CEP63: variants seen among roughly 807,000 people sequenced by gnomAD.
The protein encoded by CEP63 is centrosomal protein 63.
CEP63 carries 84 observed loss-of-function variants against 89.1 expected under a neutral mutation model. That is an observed-to-expected ratio of 0.94 (90% CI 0.79 to 1.13). The LOEUF (loss-of-function observed/expected upper bound fraction) is 1.13, where lower values mean the gene tolerates loss of function less well. Ranked by LOEUF, CEP63 falls within the 50% of genes most tolerant of loss-of-function variation. The pLI, the probability that CEP63 is intolerant of heterozygous loss-of-function variation, is 0.00. For missense variants in CEP63, 838 were observed against 813.3 expected (o/e 1.03, Z -0.37); for synonymous variants, 267 against 272.5 (o/e 0.98, Z 0.20).
chr3:134,547,504 CA>C, intron 9 of CEP63, 32 bp downstream of exon 9: 1 of 1,590,408 alleles, frequency 6.3e-7, no homozygotes, highest in Non-Finnish European at 8.6e-7. Context: ...TCAAAAATTT[CA>C]AGTTGTTAAA....
intron 12 of CEP63, 121 bp downstream of exon 12, chr3:134,552,133 C>T (rs955153918): frequency 1.7e-6 from 1 of 588,260 alleles, no homozygotes; most frequent in Non-Finnish European, 3.0e-6. Context: ...GAAATTTTCT[C>T]AAAGAAAATG....
chr3:134,535,621 A>C (rs538206016), intron 5 of CEP63: 2 of 151,810 alleles, frequency 1.3e-5, no homozygotes, highest in East Asian at 3.9e-4. Flanking sequence ...TCGCCTCTTC[A>C]TGACAGAATA....
In CEP63 at chr3:134,537,253, A is replaced by C. The variant is rs746885697; in HGVS notation, c.540A>C (p.Gln180His). ...LEAQRKALAE[Q>H]SEIIQAQLVN... ...CACAAAGGAAGGCTCTGGCTGAACAATCAGAGATAATTCAGGTAGGCCTAA... is the reference window on the plus strand; with the variant it reads ...CACAAAGGAAGGCTCTGGCTGAACACTCAGAGATAATTCAGGTAGGCCTAA... The change falls in exon 6 of 15, where the codon CAA becomes CAC. Residue 180 changes from glutamine to histidine, a missense_variant. By Grantham distance (24) the Gln-to-His change is conservative (BLOSUM62 0). Coordinates refer to ENST00000675561, the MANE Select transcript of CEP63 (RefSeq NM_001353108.3). 1 of 1,607,404 alleles carries C rather than the reference A, an allele frequency of 6.2e-7. No homozygotes were observed. The highest frequency in any genetic ancestry group is 2.2e-5 in the East Asian group (1 of 44,860).
intron 6 of CEP63, 33 bp downstream of exon 6, chr3:134,537,301 C>G (rs564376689): frequency 7.2e-7 from 1 of 1,398,518 alleles, no homozygotes; most frequent in Admixed American, 1.7e-5. Flanking sequence ...TAATGAGAAG[C>G]AGATAGGTTT....
chr3:134,731,096 A>C, the CEP63 span, among the ~76,000 whole-genome samples: 1 of 152,180 alleles, frequency 6.6e-6, no homozygotes, highest in Admixed American at 6.5e-5. Context: ...TAATATACCT[A>C]ATAATATAGT....
At chr3:134,653,822 C>T in the CEP63 span, among the ~76,000 whole-genome samples, 1 of 152,168 alleles carries the variant, frequency 6.6e-6, no homozygotes, top group South Asian at 2.1e-4. Flanking sequence ...TCCTTTTTCC[C>T]TACCAAACCC....
chr3:134,771,240 T>C, the CEP63 span, among the ~76,000 whole-genome samples: 1 of 152,118 alleles, frequency 6.6e-6, no homozygotes, highest in Non-Finnish European at 1.5e-5. Context: ...GTAGAAGGAC[T>C]GAAAGGACTA....
the CEP63 span, among the ~76,000 whole-genome samples, chr3:134,672,886 T>C: frequency 6.6e-6 from 1 of 152,242 alleles, no homozygotes; most frequent in Non-Finnish European, 1.5e-5. Flanking sequence ...AGTGAGTGTT[T>C]AGCAATGCAG....
At chr3:134,606,974 C>A in the CEP63 span, 175 of 985,178 alleles carry the variant, frequency 1.8e-4, no homozygotes, top group Middle Eastern at 3.1e-3. Flanking sequence ...AACTAGCTAC[C>A]ACAAAGAAAT....
At chr3:134,625,267 A>C in the CEP63 span, 2 of 734,828 alleles carry the variant, frequency 2.7e-6, no homozygotes, top group Non-Finnish European at 2.3e-6. Flanking sequence ...TGAAACATTG[A>C]GCCTAAGAGC....
chr3:134,539,503 T>C (rs1951554693), intron 6 of CEP63, among the ~76,000 whole-genome samples: 1 of 152,188 alleles, frequency 6.6e-6, no homozygotes. Context: ...AACTTCTTAA[T>C]ATAATTTAAT....
chr3:134,578,337 T>TTTGTTTG (rs1560077884), downstream of CEP63, among the ~76,000 whole-genome samples: 12 of 42,488 alleles, frequency 2.8e-4, no homozygotes, highest in East Asian at 1.3e-3. Flanking sequence ...TTTTTTTTTT[T>TTTGTTTG]TTTTTTTTTT....
In CEP63 at chr3:134,545,736, G is replaced by A. The variant is rs373793745; in HGVS notation, c.706G>A (p.Asp236Asn). The change falls in exon 7 of 15, where the codon GAC becomes AAC. Residue 236 changes from aspartate to asparagine, a missense_variant. By Grantham distance (23) the Asp-to-Asn change is conservative. Transcript: ENST00000675561. ...AGAGCGCCTCACCATGAGGGTCAATGACTTGGTTGGAACCAGTATGACTGT... is the reference window on the plus strand; with the variant it reads ...AGAGCGCCTCACCATGAGGGTCAATAACTTGGTTGGAACCAGTATGACTGT... ...EIERLTMRVN[D>N]LVGTSMTVLQ... The A allele has an allele frequency of 2.9e-5, 46 of 1,614,024 alleles. No individual in the cohort carries two copies. In the East Asian group the frequency reaches 5.3e-4, roughly 19 times the overall value.
the CEP63 span, among the ~76,000 whole-genome samples, chr3:134,596,719 G>C: frequency 6.6e-6 from 1 of 152,184 alleles, no homozygotes; most frequent in Non-Finnish European, 1.5e-5. Flanking sequence ...GTGTGCCGAG[G>C]AGCAGAACCA....
downstream of CEP63, among the ~76,000 whole-genome samples, chr3:134,567,008 G>A (rs1487221908): frequency 6.6e-6 from 1 of 152,176 alleles, no homozygotes; most frequent in Non-Finnish European, 1.5e-5. Context: ...CAAAGTGGAA[G>A]CAACCTAAAT....
chr3:134,762,288 T>A, the CEP63 span, among the ~76,000 whole-genome samples: 1 of 152,164 alleles, frequency 6.6e-6, no homozygotes. Context: ...GAATATTGTA[T>A]GAAGTGTGAG....
chr3:134,630,125 G>A, the CEP63 span, among the ~76,000 whole-genome samples: 1 of 152,266 alleles, frequency 6.6e-6, no homozygotes, highest in Non-Finnish European at 1.5e-5. Context: ...TACAGTGGAT[G>A]CAGAAAAAGA....
the CEP63 span, among the ~76,000 whole-genome samples, chr3:134,771,862 A>G: frequency 2.6e-5 from 4 of 152,240 alleles, no homozygotes; most frequent in African/African-American, 9.6e-5. Context: ...GTCCATGCCC[A>G]TCTTCATTCT....
At chr3:134,551,534 A>G (rs1234652028) in intron 11 of CEP63, among the ~76,000 whole-genome samples, 1 of 152,076 alleles carries the variant, frequency 6.6e-6, no homozygotes, top group Non-Finnish European at 1.5e-5. Context: ...ATAAAGTACA[A>G]TTCCATGTGA....
Sources: gnomAD v4.1 joint callset for allele counts (sites outside exome capture counted in the v4.1 genomes callset) on GRCh38, gnomAD v4.1.1 for gene constraint, MANE v1.5 for transcripts, NCBI Gene and HGNC (gene_info 2026-07-23, HGNC 2026-07-21) for gene names.